Variants in CACNA1E observed in about 807,000 individuals in gnomAD.
CACNA1E encodes voltage-dependent R-type calcium channel subunit alpha-1E.
In CACNA1E, 40 loss-of-function variants were observed where a neutral mutation model predicts 259.2. The observed-to-expected ratio is 0.15, with a 90% CI of 0.12 to 0.20. The LOEUF is 0.20. CACNA1E is among the 10% of genes least tolerant of loss of function. The pLI is 1.00. For synonymous variants in CACNA1E, 1,104 were observed against 1,138.5 expected (o/e 0.97, Z 0.61); for missense variants, 1,874 against 3,040.1 (o/e 0.62, Z 9.02).
In CACNA1E at chr1:181,592,220, A is replaced by G. The variant is rs374721101; in HGVS notation, c.951+11444A>G. On this transcript the variant is annotated intron_variant, in intron 6 of 47. Coordinates refer to ENST00000367573, the MANE Select transcript of CACNA1E (RefSeq NM_001205293.3). ...CATTCATCGTCTTCTAGGTGTTTAC[A>G]TCCCTTTTCCTTATTAAATGTTCTG... Among the ~76,000 whole-genome samples the G allele has an allele frequency of 7.9e-5, 12 of 152,254 alleles. No individual in the cohort carries two copies. The South Asian group carries it at 2.3e-3, about 29-fold the overall frequency.
intron 3 of CACNA1E, among the ~76,000 whole-genome samples, chr1:181,577,342 C>T (rs978814008): frequency 6.6e-6 from 1 of 151,970 alleles, no homozygotes; most frequent in African/African-American, 2.4e-5. Context: ...TGCAGTTAAT[C>T]CAGAGAAATT....
chr1:181,709,341 A>G (rs766454177), intron 7 of CACNA1E, among the ~76,000 whole-genome samples: 1 of 152,146 alleles, frequency 6.6e-6, no homozygotes, highest in Non-Finnish European at 1.5e-5. Context: ...GAACCCAATG[A>G]ACCTGAAGCC....
chr1:181,554,209 T>C (rs563567877), intron 3 of CACNA1E, among the ~76,000 whole-genome samples: 1 of 152,246 alleles, frequency 6.6e-6, no homozygotes, highest in East Asian at 1.9e-4. Context: ...GATGAGGTTT[T>C]GCCATGTTGC....
At position 181,459,938 on chromosome 1, in the gene CACNA1E, T is replaced by C. The variant is rs1661696227; in HGVS notation, c.435-23806T>C. 2.0e-5 allele frequency among the ~76,000 whole-genome samples: 3 copies of C among 152,230 alleles called. No homozygotes were observed. The South Asian group carries it at 6.2e-4, about 32-fold the overall frequency. ...TGGACTGTCCTGAGGCACAGTTGTCTTTTACCAATGGCCAGCTAGGTAATG... is the reference window on the plus strand; with the variant it reads ...TGGACTGTCCTGAGGCACAGTTGTCCTTTACCAATGGCCAGCTAGGTAATG... On this transcript the variant is annotated intron_variant, in intron 2 of 11. Transcript: ENST00000524607.
At position 181,548,095 on chromosome 1, in the gene CACNA1E, A is replaced by G. The variant is rs940480661; in HGVS notation, c.513-29671A>G. Among the ~76,000 whole-genome samples, 3 of 149,590 alleles carry G rather than the reference A, an allele frequency of 2.0e-5. 1 individual carries two copies. The highest frequency in any genetic ancestry group is 4.2e-4 in the South Asian group (2 of 4,710). ...GAGCCTCCTGGTTAGAGGTAGGTAT[A>G]CTTTCCCCTCTGTTCCCATAACACT... On this transcript the variant is annotated intron_variant, in intron 3 of 47. Coordinates refer to ENST00000367573, the MANE Select transcript of CACNA1E (RefSeq NM_001205293.3).
intron 2 of CACNA1E, among the ~76,000 whole-genome samples, chr1:181,433,672 G>A (rs949277756): frequency 1.3e-5 from 2 of 152,128 alleles, no homozygotes; most frequent in African/African-American, 4.8e-5. Flanking sequence ...ACGTATACAT[G>A]TAAATGTGTT....
At chr1:181,404,900 TG>T (rs1557976591) in intron 1 of CACNA1E, among the ~76,000 whole-genome samples, 1 of 152,196 alleles carries the variant, frequency 6.6e-6, no homozygotes, top group South Asian at 2.1e-4. Flanking sequence ...GGCTGTGAGG[TG>T]TCCTCCATGA....
intron 32 of CACNA1E, among the ~76,000 whole-genome samples, chr1:181,760,627 A>C (rs920153817): frequency 1.2e-4 from 18 of 152,256 alleles, no homozygotes; most frequent in African/African-American, 4.3e-4. Flanking sequence ...CAAATGCTTT[A>C]CATATTGCTT....
intron 2 of CACNA1E, among the ~76,000 whole-genome samples, chr1:181,510,899 C>T (rs1666110113): frequency 6.6e-6 from 1 of 152,212 alleles, no homozygotes; most frequent in South Asian, 2.1e-4. Context: ...ATGAAGGATG[C>T]TCAGTGCTTG....
chr1:181,584,969 G>A (rs1229709498), intron 6 of CACNA1E, among the ~76,000 whole-genome samples: 1 of 152,110 alleles, frequency 6.6e-6, no homozygotes, highest in Non-Finnish European at 1.5e-5. Context: ...TACTGTAATT[G>A]TAATTGGTAT....
intron 1 of CACNA1E, among the ~76,000 whole-genome samples, chr1:181,501,617 C>G (rs1665254806): frequency 6.6e-6 from 1 of 152,084 alleles, no homozygotes; most frequent in Non-Finnish European, 1.5e-5. Flanking sequence ...GAGTTCTCTG[C>G]CTCTTTGTTA....
intron 3 of CACNA1E, among the ~76,000 whole-genome samples, chr1:181,557,802 G>A (rs1362116744): frequency 6.6e-6 from 1 of 152,156 alleles, no homozygotes; most frequent in Admixed American, 6.5e-5. Flanking sequence ...CACTCTGTGG[G>A]GAAAGGACTC....
chr1:181,669,573 G>A (rs997907046), intron 7 of CACNA1E, among the ~76,000 whole-genome samples: 2 of 152,158 alleles, frequency 1.3e-5, no homozygotes, highest in Non-Finnish European at 2.9e-5. Flanking sequence ...GGAGGTCTTT[G>A]TCCCTTTCAC....
chr1:181,551,305 T>C (rs540347675), intron 3 of CACNA1E, among the ~76,000 whole-genome samples: 1 of 152,270 alleles, frequency 6.6e-6, no homozygotes, highest in Admixed American at 6.5e-5. Context: ...CCTGCTTGGA[T>C]TGAAGAGCCT....
At chr1:181,680,657 C>A (rs941994372) in intron 7 of CACNA1E, among the ~76,000 whole-genome samples, 4 of 152,212 alleles carry the variant, frequency 2.6e-5, no homozygotes, top group African/African-American at 7.2e-5. Flanking sequence ...TCGGTCCACG[C>A]AGCAGCACAC....
intron 43 of CACNA1E, 22 bp downstream of exon 43, chr1:181,785,841 C>T (rs375551986): frequency 1.4e-6 from 2 of 1,470,556 alleles, no homozygotes; most frequent in Non-Finnish European, 1.9e-6. Context: ...CAAAACATCC[C>T]TGGCATGGCT....
At chr1:181,325,156 C>T (rs1650671095) in intron 1 of CACNA1E, among the ~76,000 whole-genome samples, 1 of 152,194 alleles carries the variant, frequency 6.6e-6, no homozygotes, top group South Asian at 2.1e-4. Context: ...CAGCCCACCT[C>T]CTGCACCCAG....
At chr1:181,668,283 T>C (rs935125343) in intron 7 of CACNA1E, among the ~76,000 whole-genome samples, 1 of 152,242 alleles carries the variant, frequency 6.6e-6, no homozygotes, top group Non-Finnish European at 1.5e-5. Context: ...CTTAGCATAA[T>C]TGCCTTGAAG....
intron 6 of CACNA1E, among the ~76,000 whole-genome samples, chr1:181,647,345 C>G (rs1297666940): frequency 6.6e-6 from 1 of 152,112 alleles, no homozygotes; most frequent in African/African-American, 2.4e-5. Flanking sequence ...GGAAGAGTCT[C>G]TGGGGAAAAT....
Sources: gnomAD v4.1 joint callset for allele counts (sites outside exome capture counted in the v4.1 genomes callset) on GRCh38, gnomAD v4.1.1 for gene constraint, MANE v1.5 for transcripts, NCBI Gene and HGNC (gene_info 2026-07-23, HGNC 2026-07-21) for gene names.